EMX1: variants seen among roughly 807,000 people sequenced by gnomAD.
EMX1 encodes the protein empty spiracles homeobox 1.
Under a neutral mutation model 20.1 loss-of-function variants are expected in EMX1, and 10 were observed. The observed-to-expected ratio is 0.50, with a 90% CI of 0.31 to 0.84. The LOEUF is 0.84. EMX1 is among the 40% of genes least tolerant of loss of function. The pLI is 0.05. For missense variants in EMX1, 424 were observed against 431.9 expected (o/e 0.98, Z 0.16); for synonymous variants, 250 against 200.4 (o/e 1.25, Z -2.09).
At position 72,929,438 on chromosome 2, in the gene EMX1, G is replaced by A. The variant is rs149434278; in HGVS notation, c.706-4349G>A. ...GGTGACCTCAGCTTACTGAGGTGAA[G>A]GTTGAACTTAGCATGGCATTGATTG... is the stretch of plus-strand genomic sequence containing the variant. On this transcript the variant is annotated intron_variant, in intron 2 of 2. Coordinates refer to ENST00000258106, the MANE Select transcript of EMX1 (RefSeq NM_004097.3). Among the ~76,000 whole-genome samples the A allele has an allele frequency of 1.1e-4, 16 of 152,304 alleles. No individual in the cohort carries two copies. In the East Asian group the frequency reaches 3.1e-3, roughly 29 times the overall value.
At chr2:72,927,921 C>A (rs896069061) in intron 2 of EMX1, among the ~76,000 whole-genome samples, 2 of 152,218 alleles carry the variant, frequency 1.3e-5, no homozygotes, top group Non-Finnish European at 2.9e-5. Flanking sequence ...TTCTATCTTT[C>A]CCTTGTACTT....
At chr2:72,917,034 T>C, upstream of EMX1, 1 of 677,532 alleles carries the variant, frequency 1.5e-6, no homozygotes, top group East Asian at 2.7e-5. Context: ...AGGTCGCAGC[T>C]TCAGACCGCG....
At chr2:72,925,221 C>G (rs1047233629) in intron 2 of EMX1, among the ~76,000 whole-genome samples, 4 of 152,088 alleles carry the variant, frequency 2.6e-5, no homozygotes, top group African/African-American at 9.7e-5. Context: ...GAAAGGCTGT[C>G]GAATGGGAGA....
At chr2:72,922,908 T>G (rs934656577) in intron 1 of EMX1, among the ~76,000 whole-genome samples, 7 of 152,240 alleles carry the variant, frequency 4.6e-5, no homozygotes, top group African/African-American at 1.7e-4. Context: ...AGAAATTAAT[T>G]GGATCAGTCA....
chr2:72,926,870 C>A (rs578219847), intron 2 of EMX1, among the ~76,000 whole-genome samples: 9 of 152,122 alleles, frequency 5.9e-5, no homozygotes, highest in Non-Finnish European at 1.0e-4. Context: ...ACTTATCATA[C>A]GGAGCCAGGC....
At chr2:72,918,748 C>T (rs955597535) in intron 1 of EMX1, among the ~76,000 whole-genome samples, 1 of 152,254 alleles carries the variant, frequency 6.6e-6, no homozygotes, top group Non-Finnish European at 1.5e-5. Flanking sequence ...GGCTTAACCT[C>T]GCACCACGCT....
At chr2:72,916,447 G>A, upstream of EMX1, 1 of 561,602 alleles carries the variant, frequency 1.8e-6, no homozygotes, top group Non-Finnish European at 3.2e-6. Context: ...CGCCGCCCGC[G>A]CCCTCCTAGG....
rs900988637 is a variant in EMX1 at position 72,918,265 on chromosome 2, C to T, written c.413C>T (p.Ala138Val). The T allele has an allele frequency of 5.1e-6, 8 of 1,577,598 alleles. No individual in the cohort carries two copies. The highest frequency in any genetic ancestry group is 6.8e-6 in the Non-Finnish European group (8 of 1,172,486). ...GTGCATCCGGCGCACCAGCTGGGCG[C>T]CTCCCCGCTGCAGCCCCCGCACTCC... ...LTVHPAHQLG[A>V]SPLQPPHSFF... The change falls in exon 1 of 3, where the codon GCC becomes GTC. Residue 138 changes from alanine (A) to valine (V), a missense_variant. Physicochemically the swap from Ala to Val is moderately conservative, Grantham distance 64 (BLOSUM62 0). Transcript: ENST00000258106.
chr2:72,920,912 C>T (rs1043156936), intron 1 of EMX1, among the ~76,000 whole-genome samples: 4 of 152,186 alleles, frequency 2.6e-5, no homozygotes, highest in African/African-American at 7.2e-5. Context: ...GAGACCCAGC[C>T]CCCCGGGACC....
Position 72,918,286 on chromosome 2 carries a change from A to T in EMX1, c.434A>T (p.His145Leu). 6.4e-7 allele frequency: 1 copy of T among 1,574,156 alleles called. No homozygotes were observed. The highest frequency in any genetic ancestry group is 1.8e-5 in the Admixed American group (1 of 56,698). ...QLGASPLQPPHSFFGAQHRDP... is the reference protein window; with the variant it reads ...QLGASPLQPPLSFFGAQHRDP... Reference sequence around the variant, plus strand: ...GGCGCCTCCCCGCTGCAGCCCCCGCACTCCTTCTTCGGCGCCCAGCACCGG... The same window carrying T: ...GGCGCCTCCCCGCTGCAGCCCCCGCTCTCCTTCTTCGGCGCCCAGCACCGG... The change falls in exon 1 of 3, where the codon CAC becomes CTC. Residue 145 changes from histidine (H) to leucine (L), a missense_variant. By Grantham distance (99) the His-to-Leu change is moderately conservative (BLOSUM62 -3). Coordinates refer to ENST00000258106, the MANE Select transcript of EMX1 (RefSeq NM_004097.3).
rs536489189 is a variant in EMX1, at chr2:72,924,433, C to G, written c.645C>G (p.His215Gln). The G allele has an allele frequency of 6.3e-7, 1 of 1,598,278 alleles. No homozygotes were observed. The highest frequency in any genetic ancestry group is 1.3e-5 in the African/African-American group (1 of 74,988). The change falls in exon 2 of 3, where the codon CAC (histidine) becomes CAG (glutamine). Residue 215 changes from histidine (H) to glutamine (Q), a missense_variant. Around this residue, in one of 2 missense-constraint regions of EMX1, gnomAD observed 91 missense variants for 135.2 expected, o/e 0.67. Coordinates refer to ENST00000258106, the MANE Select transcript of EMX1 (RefSeq NM_004097.3). Reference protein sequence around the residue: ...LRLERAFEKNHYVVGAERKQL... With the variant: ...LRLERAFEKNQYVVGAERKQL... ...TGGAGCGCGCCTTCGAGAAGAACCA[C>G]TACGTGGTGGGCGCCGAGCGGAAGC...
In EMX1 at chr2:72,927,490, C is replaced by T. The variant is rs141462300; in HGVS notation, c.705+2997C>T. Among the ~76,000 whole-genome samples the T allele has an allele frequency of 2.0e-5, 3 of 152,342 alleles. No homozygotes were observed. In the East Asian group the frequency reaches 5.8e-4, roughly 29 times the overall value. The stretch of plus-strand genomic sequence containing the variant: ...CACATTCTCAGAGCTCACCACACAA[C>T]CCCTGCCTATCATGATATGCATCAA... On this transcript the variant is annotated intron_variant, in intron 2 of 2. Transcript: ENST00000258106.
chr2:72,916,841 C>T (rs1670972765), upstream of EMX1: 1 of 717,088 alleles, frequency 1.4e-6, no homozygotes. Context: ...CCAAGCCGGT[C>T]GCGGCACCGT....
intron 2 of EMX1, chr2:72,926,477 G>C (rs1671201396): frequency 3.7e-6 from 1 of 271,328 alleles, no homozygotes; most frequent in Admixed American, 6.5e-5. Context: ...ATGAGGGGAG[G>C]TTTGAGCCTG....
intron 2 of EMX1, 98 bp downstream of exon 2, chr2:72,924,591 C>A: frequency 7.2e-7 from 1 of 1,384,896 alleles, no homozygotes; most frequent in Non-Finnish European, 9.5e-7. Flanking sequence ...CCCAGCCCAG[C>A]CCTGCTGGGT....
intron 2 of EMX1, among the ~76,000 whole-genome samples, chr2:72,928,766 A>G (rs1671242241): frequency 6.6e-6 from 1 of 152,236 alleles, no homozygotes; most frequent in Non-Finnish European, 1.5e-5. Context: ...GCACAGGAAG[A>G]ATGACTAGGG....
Position 72,917,744 on chromosome 2 carries a change from C to A in EMX1, c.-109C>A. ...CGCCTGGCCGTACGCTGTGGCCGGA[C>A]CCCGCGGTCGCTCGCTCACACACCC... On this transcript the variant is annotated 5_prime_UTR_variant, in exon 1 of 3. Transcript: ENST00000258106. 9.3e-7 allele frequency: 1 copy of A among 1,074,264 alleles called. No homozygotes were observed. Among genetic ancestry groups the A allele is most frequent in the Non-Finnish European group, 1.2e-6 (1 of 855,068 alleles). The allele number at this position is 1,074,264 out of a possible 1,614,324, so 66.5% of individuals were successfully genotyped here. A position where few individuals can be genotyped will look rare whatever the true frequency, so the allele number is the denominator to read the frequency against.
At position 72,917,651 on chromosome 2, in the gene EMX1, G is replaced by A. The variant is rs1670991083; in HGVS notation, c.-202G>A. The stretch of plus-strand genomic sequence containing the variant: ...AACCCTCGGGCCTTACTGGCAGCTC[G>A]CAGCCTAGCACGGAGCCCGCGCCTG... On this transcript the variant is annotated 5_prime_UTR_variant, in exon 1 of 3. Coordinates refer to ENST00000258106, the MANE Select transcript of EMX1 (RefSeq NM_004097.3). 1.0e-5 allele frequency: 3 copies of A among 289,406 alleles called. No homozygotes were observed. Among genetic ancestry groups the A allele is most frequent in the South Asian group, 1.6e-4 (1 of 6,444 alleles). The allele number at this position is 289,406 out of a possible 1,614,324, so 17.9% of individuals were successfully genotyped here.
intron 2 of EMX1, chr2:72,925,320 G>T (rs1399474318): frequency 9.2e-7 from 1 of 1,089,078 alleles, no homozygotes; most frequent in Non-Finnish European, 1.2e-6. Flanking sequence ...TTAATTTAAG[G>T]GAAAAAATTA....
Sources: allele counts gnomAD v4.1 joint callset (sites outside exome capture counted in the v4.1 genomes callset), GRCh38; gene constraint gnomAD v4.1.1; regional missense constraint gnomAD v4.1.1; transcripts MANE v1.5; gene names NCBI Gene and HGNC (gene_info 2026-07-23, HGNC 2026-07-21).